The following HERC5 variants were observed in gnomAD, a reference collection of about 807,000 sequenced individuals.
HERC5 encodes the protein HECT and RLD domain containing E3 ubiquitin protein ligase 5, also known as E3 ISG15--protein ligase HERC5.
HERC5 carries 99 observed loss-of-function variants against 119.6 expected under a neutral mutation model. That is an observed-to-expected ratio of 0.83 (90% confidence interval 0.70 to 0.98). HERC5 has a LOEUF of 0.98. Among genes scored for constraint, HERC5 ranks in the 50% least tolerant of loss-of-function variants. HERC5 has a pLI of 0.00. For missense variants in HERC5, 1,267 were observed against 1,241.3 expected (o/e 1.02, Z -0.31); for synonymous variants, 478 against 445.9 (o/e 1.07, Z -0.91).
chr4:88,481,654 T>C (rs1175480167), intron 13 of HERC5, among the ~76,000 whole-genome samples: 1 of 152,218 alleles, frequency 6.6e-6, no homozygotes. Context: ...AGTAAATATT[T>C]TAGGCTTTAT....
rs551585316 is a variant in HERC5 at position 88,487,306 on chromosome 4, C to G, written c.1962+127C>G. The G allele has an allele frequency of 1.3e-5, 7 of 558,772 alleles. No individual in the cohort carries two copies. The South Asian group carries it at 1.7e-4, about 13-fold the overall frequency. The allele number at this position is 558,772 out of a possible 1,614,324, so 34.6% of individuals were successfully genotyped here. A position where few individuals can be genotyped will look rare whatever the true frequency, so the allele number is the denominator to read the frequency against. On this transcript the variant is annotated intron_variant, in intron 15 of 22. Coordinates refer to ENST00000264350, the MANE Select transcript of HERC5 (RefSeq NM_016323.4). Reference sequence around the variant, plus strand: ...ACCAATGGTTGTGGCATTCAAGGAGCTTATACTCTAATGAAGACGGCAAGG... The same window carrying G: ...ACCAATGGTTGTGGCATTCAAGGAGGTTATACTCTAATGAAGACGGCAAGG...
At chr4:88,499,608 A>G (rs577102185) in intron 18 of HERC5, among the ~76,000 whole-genome samples, 7 of 152,378 alleles carry the variant, frequency 4.6e-5, no homozygotes, top group African/African-American at 1.7e-4. Context: ...ACCAGTTTGA[A>G]TGAATTCACT....
chr4:88,457,547 GGT>G lies in HERC5; in HGVS notation c.265+19_265+20del. On this transcript the variant is annotated intron_variant, in intron 1 of 22. Coordinates refer to ENST00000264350, the MANE Select transcript of HERC5 (RefSeq NM_016323.4). ...GCCCGGACGCCGAGTGAGTGGGGCT[GGT>G]GTGTGAGGGCTGTGAGGGCTGTGAG... 7.9e-7 allele frequency: 1 copy of G among 1,262,822 alleles called. No homozygotes were observed. Among genetic ancestry groups the G allele is most frequent in the Non-Finnish European group, 1.0e-6 (1 of 1,003,772 alleles). The allele number at this position is 1,262,822 out of a possible 1,614,324, so 78.2% of individuals were successfully genotyped here.
intron 10 of HERC5, among the ~76,000 whole-genome samples, chr4:88,471,827 A>G (rs924475300): frequency 1.3e-5 from 2 of 152,036 alleles, no homozygotes; most frequent in African/African-American, 4.8e-5. Flanking sequence ...AATGGGAAAA[A>G]TGTTTATCTT....
Position 88,462,169 on chromosome 4 carries a change from T to C in HERC5, c.501T>C (p.His167=). 1 of 1,614,128 alleles carries C rather than the reference T, an allele frequency of 6.2e-7. No individual in the cohort carries two copies. The highest frequency in any genetic ancestry group is 8.5e-7 in the Non-Finnish European group (1 of 1,180,002). Residue 167 remains histidine, a synonymous_variant, in exon 4 of 23, where the codon CAT becomes CAC. Coordinates refer to ENST00000264350, the MANE Select transcript of HERC5 (RefSeq NM_016323.4). The part of the protein sequence containing the change: ...GELFAWGQNL[H]GQLGVGRKFP... Reference sequence around the variant, plus strand: ...TTTTTGCCTGGGGACAGAACCTGCATGGGCAGCTTGGAGTTGGAAGGAAAT... The same window carrying C: ...TTTTTGCCTGGGGACAGAACCTGCACGGGCAGCTTGGAGTTGGAAGGAAAT...
intron 4 of HERC5, 104 bp downstream of exon 4, chr4:88,462,460 C>T: frequency 1.1e-6 from 1 of 894,930 alleles, no homozygotes; most frequent in Non-Finnish European, 1.8e-6. Flanking sequence ...CTTTCATTTT[C>T]ACTGCTCTTC....
Position 88,504,396 on chromosome 4 carries a change from AT to A in HERC5, c.2749del (p.Trp917GlyfsTer21). 1 of 1,601,994 alleles carries A rather than the reference AT, an allele frequency of 6.2e-7. No homozygotes were observed. The highest frequency in any genetic ancestry group is 8.5e-7 in the Non-Finnish European group (1 of 1,171,588). On this transcript the variant is annotated frameshift_variant, in exon 21 of 23. Coordinates refer to ENST00000264350, the MANE Select transcript of HERC5 (RefSeq NM_016323.4). LOFTEE classifies it high-confidence loss of function. ...KDVIVGNTDY[D>X]WKTFEKNARY... ...GTGATTGTTGGAAATACAGATTATGATTGGAAAACATTTGAAAAGGTACATC... is the reference window on the plus strand; with the variant it reads ...GTGATTGTTGGAAATACAGATTATGATGGAAAACATTTGAAAAGGTACATC...
At chr4:88,477,940 A>G (rs1271745591) in intron 12 of HERC5, among the ~76,000 whole-genome samples, 1 of 152,146 alleles carries the variant, frequency 6.6e-6, no homozygotes, top group Non-Finnish European at 1.5e-5. Context: ...AAAGTTGTGC[A>G]TTCACGAACG....
chr4:88,481,075 C>T (rs1741261557), intron 13 of HERC5, among the ~76,000 whole-genome samples: 1 of 152,078 alleles, frequency 6.6e-6, no homozygotes, highest in Non-Finnish European at 1.5e-5. Flanking sequence ...TGATTCGAGA[C>T]AGGTTCTCCC....
chr4:88,458,278 T>G (rs779950907), intron 1 of HERC5, among the ~76,000 whole-genome samples: 176 of 152,172 alleles, frequency 1.2e-3, no homozygotes, highest in Non-Finnish European at 2.2e-3. Context: ...GTGCATTTTT[T>G]GGGGGGTAGT....
chr4:88,479,026 C>G (rs1174363377), intron 12 of HERC5, among the ~76,000 whole-genome samples: 1 of 152,080 alleles, frequency 6.6e-6, no homozygotes, highest in East Asian at 1.9e-4. Context: ...TGGCTCATGC[C>G]TACAATCCCA....
intron 11 of HERC5, among the ~76,000 whole-genome samples, chr4:88,475,422 G>A (rs945350294): frequency 3.3e-5 from 5 of 149,332 alleles, no homozygotes; most frequent in Non-Finnish European, 7.4e-5. Flanking sequence ...AGGTTCAAGC[G>A]ATTCTCCTGC....
intron 16 of HERC5, among the ~76,000 whole-genome samples, chr4:88,492,247 G>T (rs1478897941): frequency 6.6e-6 from 1 of 151,604 alleles, no homozygotes; most frequent in South Asian, 2.1e-4. Context: ...CACATGATCC[G>T]CCCACCTCGG....
intron 14 of HERC5, 80 bp downstream of exon 14, chr4:88,486,308 C>T: frequency 1.3e-6 from 1 of 764,224 alleles, no homozygotes; most frequent in Non-Finnish European, 2.2e-6. Flanking sequence ...CAAAATTGCA[C>T]AATAGAAATA....
At chr4:88,464,801 C>T (rs1033639121) in intron 6 of HERC5, among the ~76,000 whole-genome samples, 4 of 151,886 alleles carry the variant, frequency 2.6e-5, no homozygotes, top group Admixed American at 6.6e-5. Flanking sequence ...GACGGAGTCT[C>T]GCTCTGCTGC....
intron 6 of HERC5, among the ~76,000 whole-genome samples, chr4:88,464,964 G>T (rs1303683155): frequency 3.3e-5 from 5 of 152,180 alleles, no homozygotes; most frequent in Admixed American, 3.3e-4. Context: ...TAAAGACGGG[G>T]TTTCACTGTG....
chr4:88,492,222 A>G (rs1363530467), intron 16 of HERC5, among the ~76,000 whole-genome samples: 1 of 151,362 alleles, frequency 6.6e-6, no homozygotes, highest in Non-Finnish European at 1.5e-5. Flanking sequence ...CAGACTGGTC[A>G]CGAACTCCTG....
intron 17 of HERC5, 55 bp downstream of exon 17, chr4:88,493,210 T>A: frequency 6.6e-7 from 1 of 1,521,236 alleles, no homozygotes; most frequent in Non-Finnish European, 9.0e-7. Flanking sequence ...GTACACCATA[T>A]ACCATAGAAA....
In HERC5 at chr4:88,494,257, G is replaced by T. The variant is rs758930705; in HGVS notation, c.2370G>T (p.Leu790=). Residue 790 remains leucine, a synonymous_variant, in exon 18 of 23, where the codon CTG becomes CTT. Transcript: ENST00000264350. The part of the protein sequence containing the change: ...NCNVANLPFP[L]ALFKKLLDQM... ...ATGTTGCCAACCTTCCTTTCCCACTGGCACTGTTTAAGAAACTTTTGGACC... is the reference window on the plus strand; with the variant it reads ...ATGTTGCCAACCTTCCTTTCCCACTTGCACTGTTTAAGAAACTTTTGGACC... The T allele has an allele frequency of 1.9e-6, 3 of 1,613,140 alleles. No homozygotes were observed. The highest frequency in any genetic ancestry group is 4.5e-5 in the East Asian group (2 of 44,792).
Sources: allele counts gnomAD v4.1 joint callset (sites outside exome capture counted in the v4.1 genomes callset), GRCh38; gene constraint gnomAD v4.1.1; transcripts MANE v1.5; gene names NCBI Gene and HGNC (gene_info 2026-07-23, HGNC 2026-07-21).